Variants in LRBA observed in about 807,000 individuals in gnomAD.
LRBA encodes the protein lipopolysaccharide-responsive and beige-like anchor protein.
A neutral mutation model predicts 330.0 loss-of-function variants in LRBA; 176 were observed. The observed-to-expected ratio is 0.53, with a 90% CI of 0.47 to 0.60. The LOEUF (loss-of-function observed/expected upper bound fraction) is 0.60, where lower values mean the gene tolerates loss of function less well. LRBA is among the 20% of genes least tolerant of loss of function. LRBA has a pLI of 0.00. For missense variants in LRBA, 3,259 were observed against 3,444.8 expected, an observed-to-expected ratio of 0.95 and a Z score of 1.35; for synonymous variants, 1,230 against 1,193.0, an observed-to-expected ratio of 1.03 and a Z score of -0.64.
chr4:150,470,267 T>C (rs919262644), intron 43 of LRBA, among the ~76,000 whole-genome samples: 2 of 152,224 alleles, frequency 1.3e-5, no homozygotes, highest in African/African-American at 4.8e-5. Context: ...CTCTCCACTC[T>C]GTAACATTTG....
chr4:150,355,113 A>G (rs1031895638), intron 47 of LRBA, among the ~76,000 whole-genome samples: 4 of 152,038 alleles, frequency 2.6e-5, no homozygotes, highest in African/African-American at 7.2e-5. Context: ...GTGATAACAT[A>G]TAGAAACAGC....
At chr4:150,772,447 T>G (rs183075756) in intron 34 of LRBA, among the ~76,000 whole-genome samples, 86 of 152,334 alleles carry the variant, frequency 5.6e-4, no homozygotes, top group African/African-American at 1.9e-3. Flanking sequence ...CCTGATCACA[T>G]GTACATCACT....
intron 17 of LRBA, among the ~76,000 whole-genome samples, chr4:150,891,017 G>A (rs1729404551): frequency 6.6e-6 from 1 of 151,892 alleles, no homozygotes; most frequent in Non-Finnish European, 1.5e-5. Flanking sequence ...TATAAAATTA[G>A]ATACTCTGGC....
rs540578951 is a variant in LRBA at position 150,383,133 on chromosome 4, C to G, written c.7194+32305G>C. ...CATTAGCAAGGAAGAGTACTGCCTA[C>G]AGAAATCTGATAGTAGTGCTCAAAG... On this transcript the variant is annotated intron_variant, in intron 47 of 56. Transcript: ENST00000651943. 3.9e-5 allele frequency among the ~76,000 whole-genome samples: 6 copies of G among 152,320 alleles called. No homozygotes were observed. The East Asian group carries it at 1.2e-3, about 29-fold the overall frequency.
Position 150,384,195 on chromosome 4 carries a change from T to C in LRBA, c.7194+31243A>G, listed in dbSNP as rs192134204. Among the ~76,000 whole-genome samples, 51 of 151,962 alleles carry C rather than the reference T, an allele frequency of 3.4e-4. No homozygotes were observed. The East Asian group carries it at 9.7e-3, about 29-fold the overall frequency. On this transcript the variant is annotated intron_variant, in intron 47 of 56. Transcript: ENST00000651943. ...CTGGGATTACAGGCATGCACCACCA[T>C]GCCCGGCAAATTTTGTATTTTTAGT...
chr4:150,628,974 T>G (rs1777112044), intron 37 of LRBA, among the ~76,000 whole-genome samples: 3 of 152,216 alleles, frequency 2.0e-5, no homozygotes, highest in African/African-American at 7.2e-5. Context: ...GATAGCTCAG[T>G]GTAGCCTCAA....
chr4:150,491,355 G>C (rs1357381558), intron 40 of LRBA, among the ~76,000 whole-genome samples: 1 of 151,836 alleles, frequency 6.6e-6, no homozygotes, highest in Non-Finnish European at 1.5e-5. Context: ...ATTATGAAAA[G>C]TAAAACTTCA....
chr4:150,860,659 C>G lies in LRBA; in HGVS notation c.2766+7012G>C, dbSNP rs1411110984. On this transcript the variant is annotated intron_variant, in intron 22 of 56. Transcript: ENST00000651943. ...TGGCTAACATGGTGAAACCTCTTCT[C>G]TACTAAAAATACAAAAAATTAGCCA... Among the ~76,000 whole-genome samples the G allele has an allele frequency of 2.6e-5, 4 of 152,152 alleles. No homozygotes were observed. In the East Asian group the frequency reaches 5.8e-4, roughly 22 times the overall value.
chr4:150,732,804 C>T lies in LRBA; in HGVS notation c.5754+2454G>A, dbSNP rs191288730. Among the ~76,000 whole-genome samples the T allele has an allele frequency of 2.4e-4, 36 of 152,074 alleles. No individual in the cohort carries two copies. The South Asian group carries it at 6.0e-3, about 25-fold the overall frequency. On this transcript the variant is annotated intron_variant, in intron 36 of 56. Transcript: ENST00000651943. ...TCCTACATTTTGGTTATCAAATTCA[C>T]ACATATGCCCAAGTTCTACTTTTAC... is the stretch of plus-strand genomic sequence containing the variant.
intron 37 of LRBA, among the ~76,000 whole-genome samples, chr4:150,656,009 G>T (rs1445471514): frequency 6.6e-6 from 1 of 152,180 alleles, no homozygotes; most frequent in African/African-American, 2.4e-5. Flanking sequence ...TTTGTGGGGA[G>T]GAGGTTAGAG....
chr4:150,403,307 C>T (rs1745747424), intron 47 of LRBA, among the ~76,000 whole-genome samples: 1 of 152,170 alleles, frequency 6.6e-6, no homozygotes, highest in South Asian at 2.1e-4. Context: ...AGCAAGCATT[C>T]CTCTGTGAAT....
chr4:150,763,681 A>C (rs1156891518), intron 34 of LRBA, among the ~76,000 whole-genome samples: 1 of 151,854 alleles, frequency 6.6e-6, no homozygotes, highest in Non-Finnish European at 1.5e-5. Context: ...ATTTTGGTAC[A>C]GAGGGTCCCA....
intron 34 of LRBA, among the ~76,000 whole-genome samples, chr4:150,797,210 A>G (rs1740910251): frequency 6.6e-6 from 1 of 151,966 alleles, no homozygotes; most frequent in African/African-American, 2.4e-5. Flanking sequence ...ACTAAAACAA[A>G]TAAATCGATG....
intron 40 of LRBA, among the ~76,000 whole-genome samples, chr4:150,585,135 A>C: frequency 6.6e-6 from 1 of 152,238 alleles, no homozygotes; most frequent in East Asian, 1.9e-4. Flanking sequence ...AAGTCAGTTG[A>C]TACTTTTCCT....
chr4:150,870,180 T>C (rs527449989), intron 20 of LRBA, among the ~76,000 whole-genome samples: 1 of 152,344 alleles, frequency 6.6e-6, no homozygotes, highest in African/African-American at 2.4e-5. Context: ...GGTATTTTTA[T>C]ATTCACAGTA....
At position 150,783,308 on chromosome 4, in the gene LRBA, CACAA is replaced by C. The variant is rs1459436105; in HGVS notation, c.5580+14769_5580+14772del. Among the ~76,000 whole-genome samples, 4 of 152,154 alleles carry C rather than the reference CACAA, an allele frequency of 2.6e-5. No homozygotes were observed. The South Asian group carries it at 6.2e-4, about 24-fold the overall frequency. On this transcript the variant is annotated intron_variant, in intron 34 of 56. Coordinates refer to ENST00000651943, the MANE Select transcript of LRBA (RefSeq NM_001364905.1). ...CTGTTCTCACGAATTAGTAGCACTT[CACAA>C]ACAATTATAGGATAATAGCGTACCG... is the stretch of plus-strand genomic sequence containing the variant.
chr4:150,556,092 T>C (rs1003082651), intron 40 of LRBA, among the ~76,000 whole-genome samples: 1 of 151,972 alleles, frequency 6.6e-6, no homozygotes. Context: ...TATGAGCCAC[T>C]GTGCTCAGCC....
chr4:150,503,984 G>C (rs1760681134), intron 40 of LRBA, among the ~76,000 whole-genome samples: 1 of 152,184 alleles, frequency 6.6e-6, no homozygotes, highest in South Asian at 2.1e-4. Context: ...CTGGAAGAAA[G>C]GGTATCAGTG....
At chr4:150,701,775 A>G (rs1785147444) in intron 36 of LRBA, among the ~76,000 whole-genome samples, 1 of 152,216 alleles carries the variant, frequency 6.6e-6, no homozygotes, top group African/African-American at 2.4e-5. Flanking sequence ...ATACTTTGCT[A>G]TCAAGCTATG....
Sources: allele counts gnomAD v4.1 joint callset (sites outside exome capture counted in the v4.1 genomes callset), GRCh38; gene constraint gnomAD v4.1.1; transcripts MANE v1.5; gene names NCBI Gene and HGNC (gene_info 2026-07-23, HGNC 2026-07-21).